The following FAM135A variants were observed in gnomAD, a reference collection of about 807,000 sequenced individuals.
The protein encoded by FAM135A is protein FAM135A.
Under a neutral mutation model 146.8 loss-of-function variants are expected in FAM135A, and 79 were observed. The observed-to-expected ratio is 0.54, with a 90% CI of 0.45 to 0.65. The LOEUF is 0.65. Among genes scored for constraint, FAM135A ranks in the 30% least tolerant of loss-of-function variants. The probability of loss-of-function intolerance (pLI) is 0.00; values close to 1 mark genes in which losing one functional copy is unlikely to be tolerated. For synonymous variants in FAM135A, 562 were observed against 603.6 expected, an observed-to-expected ratio of 0.93 and a Z score of 1.01; for missense variants, 1,623 against 1,758.2, an observed-to-expected ratio of 0.92 and a Z score of 1.38.
chr6:70,416,220 A>C (rs1362406674), intron 2 of FAM135A, among the ~76,000 whole-genome samples: 1 of 152,226 alleles, frequency 6.6e-6, no homozygotes, highest in Non-Finnish European at 1.5e-5. Flanking sequence ...TTAGTACATT[A>C]ACTAATGTTC....
At chr6:70,504,441 A>T (rs562843526) in intron 12 of FAM135A, 1 of 152,176 alleles carries the variant, frequency 6.6e-6, no homozygotes, top group South Asian at 2.1e-4. Flanking sequence ...AATGAACTGG[A>T]GGTCTTAATT....
chr6:70,525,520 T>G lies in FAM135A; in HGVS notation c.2436T>G (p.Asp812Glu), dbSNP rs761940610. 8 of 1,612,572 alleles carry G rather than the reference T, an allele frequency of 5.0e-6. No homozygotes were observed. The highest frequency in any genetic ancestry group is 6.8e-6 in the Non-Finnish European group (8 of 1,179,404). ...TTCCTCAGCTTTTGATGAAACCTGA[T>G]TATAATGTAAAATTTTCATTAGGAA... ...RLFPQLLMKP[D>E]YNVKFSLGNH... Residue 812 changes from aspartate to glutamate, a missense_variant, in exon 15 of 22, where the codon GAT becomes GAG. Asp to Glu is a conservative substitution (Grantham distance 45, BLOSUM62 2). This residue lies in a region of FAM135A where 1,061 missense variants were observed against 1,113.8 expected (regional missense o/e 0.95). Transcript: ENST00000418814.
At chr6:70,436,518 G>A in intron 4 of FAM135A, among the ~76,000 whole-genome samples, 1 of 152,068 alleles carries the variant, frequency 6.6e-6, no homozygotes, top group East Asian at 1.9e-4. Context: ...CATTTAGTCT[G>A]AATCAGCAGT....
At chr6:70,437,780 A>G (rs1773521640) in intron 4 of FAM135A, among the ~76,000 whole-genome samples, 1 of 152,192 alleles carries the variant, frequency 6.6e-6, no homozygotes, top group African/African-American at 2.4e-5. Flanking sequence ...AATAAGTCAA[A>G]AAACTAAATT....
intron 20 of FAM135A, among the ~76,000 whole-genome samples, chr6:70,548,087 C>A (rs536998905): frequency 6.6e-6 from 1 of 152,334 alleles, no homozygotes; most frequent in Non-Finnish European, 1.5e-5. Context: ...TACTTCAACT[C>A]AGATGAAGTA....
intron 12 of FAM135A, among the ~76,000 whole-genome samples, chr6:70,512,040 A>C (rs1421520386): frequency 1.3e-5 from 2 of 151,998 alleles, no homozygotes; most frequent in African/African-American, 4.8e-5. Context: ...TATCATTATA[A>C]CATATTTTGA....
intron 5 of FAM135A, among the ~76,000 whole-genome samples, chr6:70,458,684 A>C (rs983688358): frequency 6.6e-6 from 1 of 152,186 alleles, no homozygotes. Flanking sequence ...ATTAATATGA[A>C]TATCATAGAG....
chr6:70,540,284 A>G (rs1358865542), intron 20 of FAM135A, among the ~76,000 whole-genome samples: 1 of 130,858 alleles, frequency 7.6e-6, no homozygotes, highest in Non-Finnish European at 1.6e-5. Context: ...CTCCCTTCTC[A>G]TCTGCTTTTT....
At chr6:70,420,922 G>A (rs1164542244) in intron 2 of FAM135A, among the ~76,000 whole-genome samples, 10 of 149,902 alleles carry the variant, frequency 6.7e-5, no homozygotes, top group South Asian at 6.3e-4. Context: ...TTACTGTGTC[G>A]CCCAGGCTGG....
intron 12 of FAM135A, 134 bp downstream of exon 12, chr6:70,502,925 G>A: frequency 1.1e-6 from 1 of 904,100 alleles, no homozygotes; most frequent in Non-Finnish European, 1.6e-6. Context: ...TATTGTTATT[G>A]TTTGACTTCC....
intron 4 of FAM135A, among the ~76,000 whole-genome samples, chr6:70,442,517 G>A (rs1774794825): frequency 1.3e-5 from 2 of 151,698 alleles, no homozygotes; most frequent in Non-Finnish European, 2.9e-5. Flanking sequence ...CATCCCATAG[G>A]TAACCATTTT....
chr6:70,500,828 A>G (rs1354960887), intron 11 of FAM135A, among the ~76,000 whole-genome samples: 1 of 152,178 alleles, frequency 6.6e-6, no homozygotes, highest in African/African-American at 2.4e-5. Context: ...AACAGCAAAG[A>G]TGGCTGCCTG....
intron 12 of FAM135A, among the ~76,000 whole-genome samples, chr6:70,512,241 G>C (rs896014920): frequency 1.3e-5 from 2 of 151,696 alleles, no homozygotes; most frequent in African/African-American, 4.8e-5. Flanking sequence ...TTTCTTTATC[G>C]TTGAGTAGTA....
chr6:70,430,004 G>A (rs1375790906), intron 4 of FAM135A, among the ~76,000 whole-genome samples: 2 of 152,074 alleles, frequency 1.3e-5, no homozygotes, highest in African/African-American at 2.4e-5. Flanking sequence ...TAGCAGGCCA[G>A]CCTGGACTTG....
chr6:70,418,176 C>T (rs7767109), intron 2 of FAM135A, among the ~76,000 whole-genome samples: 7,029 of 152,132 alleles, frequency 0.046, 361 homozygotes, highest in African/African-American at 0.11. Context: ...CTAAGCTCAC[C>T]TTTGCTGTGA....
intron 12 of FAM135A, among the ~76,000 whole-genome samples, chr6:70,508,182 G>A (rs1467134400): frequency 6.6e-6 from 1 of 152,186 alleles, no homozygotes; most frequent in Non-Finnish European, 1.5e-5. Flanking sequence ...CACCAATGCT[G>A]TAAGTGGACC....
chr6:70,522,031 CT>C (rs1793704375), intron 12 of FAM135A, among the ~76,000 whole-genome samples: 1 of 152,162 alleles, frequency 6.6e-6, no homozygotes, highest in Non-Finnish European at 1.5e-5. Flanking sequence ...ATTCTCCTGC[CT>C]CAGCCTCCTG....
At chr6:70,493,667 C>G (rs1037761714) in intron 11 of FAM135A, among the ~76,000 whole-genome samples, 2 of 152,118 alleles carry the variant, frequency 1.3e-5, no homozygotes, top group East Asian at 3.8e-4. Context: ...TGTGAAGATT[C>G]ATAATATTGT....
At chr6:70,520,347 A>G (rs766099979) in intron 12 of FAM135A, among the ~76,000 whole-genome samples, 3 of 152,080 alleles carry the variant, frequency 2.0e-5, no homozygotes, top group African/African-American at 4.8e-5. Context: ...CAAGGTGCTT[A>G]TTTTTTTCAA....
Sources: allele counts gnomAD v4.1 joint callset (sites outside exome capture counted in the v4.1 genomes callset), GRCh38; gene constraint gnomAD v4.1.1; regional missense constraint gnomAD v4.1.1; transcripts MANE v1.5; gene names NCBI Gene and HGNC (gene_info 2026-07-23, HGNC 2026-07-21).